The following RTN1 variants were observed in gnomAD, a reference collection of about 807,000 sequenced individuals.
The protein encoded by RTN1 is reticulon-1.
In RTN1, 25 loss-of-function variants were observed where a neutral mutation model predicts 65.5. That is an observed-to-expected ratio of 0.38 (90% CI 0.28 to 0.53). The LOEUF is 0.53. RTN1 is among the 20% of genes least tolerant of loss of function. The pLI is 0.79. For synonymous variants in RTN1, 471 were observed against 447.6 expected, an observed-to-expected ratio of 1.05 and a Z score of -0.66; for missense variants, 983 against 1,025.4, an observed-to-expected ratio of 0.96 and a Z score of 0.57.
In RTN1 at chr14:59,608,212, TG is replaced by T. The variant is rs560028755; in HGVS notation, c.1766-721del. Reference sequence around the variant, plus strand: ...GATCTATGCAAATTTACCCTCCAACTGGGTATGTGACAAATGGTTTTTATAG... The same window carrying T: ...GATCTATGCAAATTTACCCTCCAACTGGTATGTGACAAATGGTTTTTATAG... On this transcript the variant is annotated intron_variant, in intron 3 of 8. Coordinates refer to ENST00000267484, the MANE Select transcript of RTN1 (RefSeq NM_021136.3). Among the ~76,000 whole-genome samples, 162 of 152,326 alleles carry T rather than the reference TG, an allele frequency of 1.1e-3. 3 individuals carry two copies. In the South Asian group the frequency reaches 0.032, roughly 30 times the overall value.
intron 1 of RTN1, among the ~76,000 whole-genome samples, chr14:59,763,088 A>G (rs1445315466): frequency 6.6e-6 from 1 of 152,238 alleles, no homozygotes; most frequent in African/African-American, 2.4e-5. Context: ...AATTCAGGAC[A>G]TATCATTTGG....
At chr14:59,615,908 A>AT (rs138988347) in intron 3 of RTN1, among the ~76,000 whole-genome samples, 43 of 152,030 alleles carry the variant, frequency 2.8e-4, no homozygotes, top group Admixed American at 5.2e-4. Context: ...CTTTTTTAAA[A>AT]TTTTTTTTGG....
At chr14:59,848,817 G>A (rs936444434) in intron 1 of RTN1, among the ~76,000 whole-genome samples, 1 of 152,104 alleles carries the variant, frequency 6.6e-6, no homozygotes. Context: ...CTACCTCAAG[G>A]GAATTTCTGC....
chr14:59,636,781 C>G (rs1882675066), intron 3 of RTN1, among the ~76,000 whole-genome samples: 1 of 152,164 alleles, frequency 6.6e-6, no homozygotes, highest in South Asian at 2.1e-4. Flanking sequence ...AATGTTTACA[C>G]TATACTGTAG....
At position 59,846,852 on chromosome 14, in the gene RTN1, TTGATGAGAC is replaced by T. The variant is rs1324235541; in HGVS notation, c.241+23529_241+23537del. Among the ~76,000 whole-genome samples the T allele has an allele frequency of 6.6e-6, 1 of 152,174 alleles. No individual in the cohort carries two copies. Among genetic ancestry groups the T allele is most frequent in the Non-Finnish European group, 1.5e-5 (1 of 68,026 alleles). On this transcript the variant is annotated intron_variant, in intron 1 of 8. Transcript: ENST00000267484. The surrounding 1 kb of genome is among the most constrained non-coding windows in gnomAD (Gnocchi z 4.8). ...ATGCACTCTCAGAGAAGCAGCCACTTTGATGAGACTGATTTTGCTTGAGAACCAGGAATA... is the reference window on the plus strand; with the variant it reads ...ATGCACTCTCAGAGAAGCAGCCACTTTGATTTTGCTTGAGAACCAGGAATA...
chr14:59,672,945 AT>A, intron 3 of RTN1, among the ~76,000 whole-genome samples: 1 of 152,254 alleles, frequency 6.6e-6, no homozygotes, highest in South Asian at 2.1e-4. Context: ...CGGCCAAGAT[AT>A]TTCTTTTTTG....
At chr14:59,626,999 T>A in intron 3 of RTN1, among the ~76,000 whole-genome samples, 1 of 152,318 alleles carries the variant, frequency 6.6e-6, no homozygotes, top group South Asian at 2.1e-4. Flanking sequence ...TCTAACTTAG[T>A]GTTAGTAAGA....
At chr14:59,648,273 T>C (rs2140197256) in intron 3 of RTN1, among the ~76,000 whole-genome samples, 1 of 152,268 alleles carries the variant, frequency 6.6e-6, no homozygotes, top group South Asian at 2.1e-4. Flanking sequence ...AGACCAATAA[T>C]GAGCTTTGAA....
At chr14:59,664,852 A>C (rs1251050760) in intron 3 of RTN1, among the ~76,000 whole-genome samples, 1 of 152,174 alleles carries the variant, frequency 6.6e-6, no homozygotes, top group African/African-American at 2.4e-5. Context: ...CCCTGGGATA[A>C]ATGCCAGAGT....
intron 3 of RTN1, among the ~76,000 whole-genome samples, chr14:59,703,104 C>T (rs556539257): frequency 1.3e-5 from 2 of 152,286 alleles, no homozygotes; most frequent in South Asian, 4.1e-4. Flanking sequence ...AGTATAGTGA[C>T]CTGCCCCTCC....
chr14:59,786,387 A>G (rs577976184), intron 1 of RTN1, among the ~76,000 whole-genome samples: 10 of 152,310 alleles, frequency 6.6e-5, no homozygotes, highest in Admixed American at 6.5e-4. Flanking sequence ...GACTATTAGT[A>G]TTACGAGTAG....
At chr14:59,631,707 G>C (rs986197562) in intron 3 of RTN1, among the ~76,000 whole-genome samples, 1 of 152,210 alleles carries the variant, frequency 6.6e-6, no homozygotes, top group Non-Finnish European at 1.5e-5. Context: ...GAAAGAGAAA[G>C]GACTGGAATG....
intron 2 of RTN1, among the ~76,000 whole-genome samples, chr14:59,733,829 C>T (rs893920947): frequency 1.3e-5 from 2 of 152,204 alleles, no homozygotes; most frequent in African/African-American, 4.8e-5. Context: ...AAAGCCCAAA[C>T]CAATTGGGGG....
At chr14:59,667,198 T>C (rs940195136) in intron 3 of RTN1, among the ~76,000 whole-genome samples, 5 of 152,050 alleles carry the variant, frequency 3.3e-5, no homozygotes, top group African/African-American at 1.2e-4. Context: ...AACATCAATG[T>C]GAAAATCCTC....
At chr14:59,680,554 G>T (rs1883724795) in intron 3 of RTN1, among the ~76,000 whole-genome samples, 1 of 152,166 alleles carries the variant, frequency 6.6e-6, no homozygotes, top group Non-Finnish European at 1.5e-5. Context: ...TTTATAGCAT[G>T]CTGTATTATT....
chr14:59,787,686 T>G (rs1886275880), intron 1 of RTN1, among the ~76,000 whole-genome samples: 1 of 152,130 alleles, frequency 6.6e-6, no homozygotes, highest in African/African-American at 2.4e-5. Context: ...ATTACAATGC[T>G]GGGAGGTGGG....
chr14:59,705,937 C>T (rs188956055), intron 3 of RTN1, among the ~76,000 whole-genome samples: 6 of 152,272 alleles, frequency 3.9e-5, no homozygotes, highest in East Asian at 1.9e-4. Context: ...CCTGCCTCCC[C>T]GTTCACCCCC....
At chr14:59,741,232 C>CT (rs1885110829) in intron 2 of RTN1, among the ~76,000 whole-genome samples, 1 of 152,188 alleles carries the variant, frequency 6.6e-6, no homozygotes, top group Non-Finnish European at 1.5e-5. Flanking sequence ...AGCTCAGGGC[C>CT]TTTGCACTGG....
chr14:59,610,241 A>C (rs1881904506), intron 3 of RTN1: 1 of 698,130 alleles, frequency 1.4e-6, no homozygotes, highest in South Asian at 1.6e-5. Flanking sequence ...AACTGTGGGC[A>C]GAAAGCATTA....
Sources: gnomAD v4.1 joint callset for allele counts (sites outside exome capture counted in the v4.1 genomes callset) on GRCh38, gnomAD v4.1.1 for gene constraint, Gnocchi (gnomAD v3.1) non-coding constraint, MANE v1.5 for transcripts, NCBI Gene and HGNC (gene_info 2026-07-23, HGNC 2026-07-21) for gene names.